CASKIN1: variants seen among roughly 807,000 people sequenced by gnomAD.
The protein encoded by CASKIN1 is CASK interacting protein 1.
A neutral mutation model predicts 117.5 loss-of-function variants in CASKIN1; 42 were observed. That is an observed-to-expected ratio of 0.36 (90% CI 0.28 to 0.46). The LOEUF is 0.46. Ranked by LOEUF, CASKIN1 falls within the 20% of genes least tolerant of loss-of-function variation. CASKIN1 has a pLI of 1.00. For synonymous variants in CASKIN1, 1,148 were observed against 961.7 expected (o/e 1.19, Z -3.59); for missense variants, 2,083 against 2,077.3 (o/e 1.00, Z -0.05).
At chr16:2,193,875 G>T (rs923343888) in intron 1 of CASKIN1, among the ~76,000 whole-genome samples, 4 of 152,238 alleles carry the variant, frequency 2.6e-5, no homozygotes, top group East Asian at 1.9e-4. Flanking sequence ...ACCCAGGAAG[G>T]TCCCAGAACT....
intron 14 of CASKIN1, among the ~76,000 whole-genome samples, 162 bp from the exon 15 acceptor site, chr16:2,184,103 C>T (rs1225491209): frequency 6.6e-6 from 1 of 151,942 alleles, no homozygotes; most frequent in Non-Finnish European, 1.5e-5. Context: ...GTGAGTGATC[C>T]TCAGTCCGCG....
chr16:2,189,113 C>T lies in CASKIN1; in HGVS notation c.531G>A (p.Leu177=), dbSNP rs1178416121. 6.2e-7 allele frequency: 1 copy of T among 1,613,502 alleles called. No homozygotes were observed. Among genetic ancestry groups the T allele is most frequent in the African/African-American group, 1.3e-5 (1 of 75,050 alleles). ...LLSSNMCAAL[L]EPRPGDATDP... The stretch of plus-strand genomic sequence containing the variant: ...CGGTGGCGTCTCCCGGCCGGGGCTC[C>T]AGCAGCGCCGCACACATATTGCTGC... Residue 177 remains leucine (L), a synonymous_variant, in exon 6 of 20, where the codon CTG becomes CTA. Transcript: ENST00000343516.
intron 2 of CASKIN1, 54 bp from the exon 3 acceptor site, chr16:2,190,224 G>A (rs568680569): frequency 3.1e-5 from 50 of 1,599,676 alleles, no homozygotes; most frequent in Middle Eastern, 3.3e-4. Context: ...CGGCCTTCCC[G>A]GCACCCTGCC....
Position 2,190,344 on chromosome 16 carries a change from T to C in CASKIN1, c.109A>G (p.Thr37Ala). The C allele has an allele frequency of 3.8e-6, 6 of 1,574,166 alleles. No individual in the cohort carries two copies. The highest frequency in any genetic ancestry group is 5.2e-6 in the Non-Finnish European group (6 of 1,159,156). Residue 37 changes from threonine (T) to alanine (A), a missense_variant, in exon 2 of 20, where the codon ACC (threonine) becomes GCC (alanine). Coordinates refer to ENST00000343516, the MANE Select transcript of CASKIN1 (RefSeq NM_020764.4). Reference protein sequence around the residue: ...RPGKAKLLGSTKKINVNFQDP... With the variant: ...RPGKAKLLGSAKKINVNFQDP... ...TGGAAGTTGACATTGATCTTCTTGG[T>C]GGAACCCAGGAGCTCTGGGGATGGA...
intron 1 of CASKIN1, among the ~76,000 whole-genome samples, chr16:2,195,589 G>A (rs752552656): frequency 5.9e-5 from 9 of 152,228 alleles, no homozygotes; most frequent in Non-Finnish European, 1.3e-4. Flanking sequence ...GCCCTTTCCT[G>A]GGGCCGGCCA....
At position 2,182,191 on chromosome 16, in the gene CASKIN1, G is replaced by A. The variant is rs1217655283; in HGVS notation, c.1630-262C>T. On this transcript the variant is annotated intron_variant, in intron 16 of 19. Transcript: ENST00000343516. This position sits in a 1 kb window ranked among gnomAD's most constrained non-coding sequence, Gnocchi z 4.1. ...GGACACCCTTGTCGGGGGGGCAGAA[G>A]AAGGCACTTTCCCACCCGGCCAGGC... is the stretch of plus-strand genomic sequence containing the variant. Among the ~76,000 whole-genome samples, 1 of 152,154 alleles carries A rather than the reference G, an allele frequency of 6.6e-6. No homozygotes were observed. Among genetic ancestry groups the A allele is most frequent in the East Asian group, 1.9e-4 (1 of 5,184 alleles).
At chr16:2,195,778 T>A (rs1177795345) in intron 1 of CASKIN1, among the ~76,000 whole-genome samples, 3 of 152,190 alleles carry the variant, frequency 2.0e-5, no homozygotes, top group Non-Finnish European at 4.4e-5. Flanking sequence ...CTTGGGCCTC[T>A]GCTCTCCCAT....
At chr16:2,192,301 TC>T (rs2093203475) in intron 1 of CASKIN1, among the ~76,000 whole-genome samples, 1 of 144,216 alleles carries the variant, frequency 6.9e-6, no homozygotes, top group Admixed American at 6.9e-5. Flanking sequence ...AGACCCTGTC[TC>T]AAAAAAAAAA....
Position 2,182,178 on chromosome 16 carries a change from C to T in CASKIN1, c.1630-249G>A, listed in dbSNP as rs1018508315. ...GCCCACATCCACAGGACACCCTTGT[C>T]GGGGGGGCAGAAGAAGGCACTTTCC... On this transcript the variant is annotated intron_variant, in intron 16 of 19. Coordinates refer to ENST00000343516, the MANE Select transcript of CASKIN1 (RefSeq NM_020764.4). The surrounding 1 kb of genome is among the most constrained non-coding windows in gnomAD (Gnocchi z 4.1). 1.3e-5 allele frequency among the ~76,000 whole-genome samples: 2 copies of T among 152,048 alleles called. No homozygotes were observed. The highest frequency in any genetic ancestry group is 4.8e-5 in the African/African-American group (2 of 41,388).
intron 10 of CASKIN1, among the ~76,000 whole-genome samples, chr16:2,185,616 T>C (rs982818537): frequency 2.6e-4 from 40 of 152,246 alleles, no homozygotes; most frequent in Non-Finnish European, 3.8e-4. Context: ...CTAGGCATCC[T>C]GCCGGTGGCC....
rs2093193064 is a variant in CASKIN1, at chr16:2,189,016, A to G, written c.617+11T>C. The G allele has an allele frequency of 3.1e-6, 5 of 1,606,800 alleles. No individual in the cohort carries two copies. The highest frequency in any genetic ancestry group is 4.3e-6 in the Non-Finnish European group (5 of 1,175,422). On this transcript the variant is annotated intron_variant, in intron 6 of 19. Transcript: ENST00000343516. ...CCCTAAGGCTGAGGCCCTCCCTGCT[A>G]CCGGCTCTACCTGATGATGTCGATG... is the stretch of plus-strand genomic sequence containing the variant.
Position 2,187,434 on chromosome 16 carries a change from A to T in CASKIN1, c.645T>A (p.Ile215=), listed in dbSNP as rs775833785. Residue 215 remains isoleucine, a synonymous_variant, in exon 7 of 20, where the codon ATT becomes ATA. Coordinates refer to ENST00000343516, the MANE Select transcript of CASKIN1 (RefSeq NM_020764.4). ...IRLLLQAGID[I]NRQTKSGTAL... is the part of the protein sequence containing the mutation. ...CCGTGCCGGACTTGGTCTGGCGGTT[A>T]ATGTCGATGCCGGCTTGGAGGAGGA... 3.7e-6 allele frequency: 6 copies of T among 1,608,240 alleles called. No homozygotes were observed. The highest frequency in any genetic ancestry group is 2.2e-5 in the South Asian group (2 of 91,048).
In CASKIN1 at chr16:2,183,760, G is replaced by A. The variant is rs1420001417; in HGVS notation, c.1528-13C>T. ...TGGCCGTGAGGTCCTAGGCAGTGGG[G>A]AGGCTTGTCAGCTAGGGGCTGGGCC... On this transcript the variant is annotated splice_polypyrimidine_tract_variant and intron_variant, in intron 15 of 19. Transcript: ENST00000343516. 4 of 1,613,086 alleles carry A rather than the reference G, an allele frequency of 2.5e-6. No homozygotes were observed. The highest frequency in any genetic ancestry group is 1.7e-6 in the Non-Finnish European group (2 of 1,179,874).
Position 2,180,902 on chromosome 16 carries a change from G to A in CASKIN1, c.2466C>T (p.Ser822=), listed in dbSNP as rs1033382934. 2.1e-6 allele frequency: 3 copies of A among 1,448,430 alleles called. No homozygotes were observed. Among genetic ancestry groups the A allele is most frequent in the Non-Finnish European group, 2.7e-6 (3 of 1,107,130 alleles). 89.7% of individuals were successfully genotyped at this position (1,448,430 alleles called of 1,614,324 possible). A position where few individuals can be genotyped will look rare whatever the true frequency, so the allele number is the denominator to read the frequency against. The stretch of plus-strand genomic sequence containing the variant: ...CGCGGTGCGTCGGTGACTGAGGCAG[G>A]GAGCGGGGTGACATGGGGCGCTCTG... The part of the protein sequence containing the change: ...PPTERPMSPR[S]LPQSPTHRGF... The change falls in exon 18 of 20, where the codon TCC becomes TCT. Residue 822 remains serine, a synonymous_variant. Transcript: ENST00000343516.
rs1005492525 is a variant in CASKIN1 at position 2,177,526 on chromosome 16, G to A, written c.*1024C>T. On this transcript the variant is annotated 3_prime_UTR_variant, in exon 20 of 20. Transcript: ENST00000343516. ...TCTTGGAGGGGGCAGGAGGAGAGAG[G>A]AAAAGGGAGGGCGAGAATGACCACA... The A allele has an allele frequency of 8.5e-6, 2 of 234,056 alleles. No homozygotes were observed. Among genetic ancestry groups the A allele is most frequent in the Non-Finnish European group, 1.7e-5 (2 of 118,622 alleles). 14.5% of individuals were successfully genotyped at this position (234,056 alleles called of 1,614,324 possible).
In CASKIN1 at chr16:2,183,959, C is replaced by G; in HGVS notation, c.1417-18G>C. ...TCAGAGCTCTGGAAGACACAAGGCACCCACTGCAGGCTCGCCTGCCCGGCC... is the reference window on the plus strand; with the variant it reads ...TCAGAGCTCTGGAAGACACAAGGCAGCCACTGCAGGCTCGCCTGCCCGGCC... On this transcript the variant is annotated intron_variant, in intron 14 of 19. Coordinates refer to ENST00000343516, the MANE Select transcript of CASKIN1 (RefSeq NM_020764.4). 1 of 1,550,284 alleles carries G rather than the reference C, an allele frequency of 6.5e-7. No individual in the cohort carries two copies. Among genetic ancestry groups the G allele is most frequent in the Non-Finnish European group, 8.8e-7 (1 of 1,141,438 alleles).
chr16:2,196,578 C>G lies in CASKIN1; in HGVS notation c.-146G>C, dbSNP rs545932838. ...CCGCCGCCCCTTCGCCCTCCTCGGG[C>G]TCCGGCTTGGGCTCGGGCTCCCGGC... On this transcript the variant is annotated 5_prime_UTR_variant, in exon 1 of 20. Transcript: ENST00000343516. This position sits in a 1 kb window ranked among gnomAD's most constrained non-coding sequence, Gnocchi z 5.7. The G allele has an allele frequency of 2.2e-3, 387 of 172,628 alleles. 1 individual carries two copies. Among genetic ancestry groups the G allele is most frequent in the Middle Eastern group, 8.6e-3 (3 of 350 alleles). The allele number at this position is 172,628 out of a possible 1,614,324, so 10.7% of individuals were successfully genotyped here. A position where few individuals can be genotyped will look rare whatever the true frequency, so the allele number is the denominator to read the frequency against.
intron 1 of CASKIN1, among the ~76,000 whole-genome samples, chr16:2,192,013 T>C (rs1434033741): frequency 6.6e-6 from 1 of 152,202 alleles, no homozygotes; most frequent in Non-Finnish European, 1.5e-5. Flanking sequence ...TGAGTCAGGC[T>C]CTGTGCCGTG....
intron 16 of CASKIN1, among the ~76,000 whole-genome samples, 183 bp downstream of exon 16, chr16:2,183,463 G>A (rs1049476207): frequency 3.3e-5 from 5 of 152,166 alleles, no homozygotes; most frequent in African/African-American, 9.7e-5. Flanking sequence ...GCATCACCTT[G>A]CCCCTGCCCC....
Sources: allele counts gnomAD v4.1 joint callset (sites outside exome capture counted in the v4.1 genomes callset), GRCh38; gene constraint gnomAD v4.1.1; non-coding constraint Gnocchi (gnomAD v3.1); transcripts MANE v1.5; gene names NCBI Gene and HGNC (gene_info 2026-07-23, HGNC 2026-07-21).